WDR75: variants seen among roughly 807,000 people sequenced by gnomAD.
WDR75 encodes WD repeat domain 75.
Under a neutral mutation model 106.1 loss-of-function variants are expected in WDR75, and 52 were observed. The observed-to-expected ratio is 0.49, with a 90% CI of 0.39 to 0.62. The LOEUF is 0.62. Ranked by LOEUF, WDR75 falls within the 20% of genes least tolerant of loss-of-function variation. WDR75 has a pLI of 0.00. For synonymous variants in WDR75, 333 were observed against 335.5 expected, an observed-to-expected ratio of 0.99 and a Z score of 0.08; for missense variants, 905 against 970.3, an observed-to-expected ratio of 0.93 and a Z score of 0.89.
intron 8 of WDR75, among the ~76,000 whole-genome samples, chr2:189,460,520 T>G (rs1176161407): frequency 6.6e-6 from 1 of 152,048 alleles, no homozygotes; most frequent in Non-Finnish European, 1.5e-5. Context: ...GTTTTTTTTT[T>G]TTTAGACAAG....
In WDR75 at chr2:189,465,333, A is replaced by G. The variant is rs1574200917; in HGVS notation, c.1289+79A>G. On this transcript the variant is annotated intron_variant, in intron 12 of 20. Transcript: ENST00000314761. Reference sequence around the variant, plus strand: ...CATTTTACAGTTTCAATTGTCTTTAAGATGTTTCATCTTGACAAGGTTTAG... The same window carrying G: ...CATTTTACAGTTTCAATTGTCTTTAGGATGTTTCATCTTGACAAGGTTTAG... The G allele has an allele frequency of 5.7e-6, 8 of 1,408,368 alleles. No homozygotes were observed. In the South Asian group the frequency reaches 1.1e-4, roughly 19 times the overall value. 87.2% of individuals were successfully genotyped at this position (1,408,368 alleles called of 1,614,324 possible).
At chr2:189,473,836 T>C (rs1011013086) in intron 18 of WDR75, among the ~76,000 whole-genome samples, 2 of 152,202 alleles carry the variant, frequency 1.3e-5, no homozygotes, top group African/African-American at 4.8e-5. Context: ...TTCAGCCTGC[T>C]CTCCAGTTTC....
At chr2:189,467,412 G>A in intron 13 of WDR75, 56 bp from the exon 14 acceptor site, 1 of 1,515,192 alleles carries the variant, frequency 6.6e-7, no homozygotes, top group Non-Finnish European at 8.9e-7. Context: ...GGGAACTACT[G>A]TAGCATTCTC....
At position 189,443,051 on chromosome 2, in the gene WDR75, A is replaced by G. The variant is rs577607419; in HGVS notation, c.86+1473A>G. The stretch of plus-strand genomic sequence containing the variant: ...CATTTTTTAAGTACTTGTCAACTAT[A>G]TATTATGTATAACATGCTGCAGTGA... On this transcript the variant is annotated intron_variant, in intron 1 of 20. Coordinates refer to ENST00000314761, the MANE Select transcript of WDR75 (RefSeq NM_032168.3). Among the ~76,000 whole-genome samples, 3 of 152,326 alleles carry G rather than the reference A, an allele frequency of 2.0e-5. No individual in the cohort carries two copies. The South Asian group carries it at 6.2e-4, about 32-fold the overall frequency.
At chr2:189,461,848 T>C (rs1258406293) in intron 8 of WDR75, among the ~76,000 whole-genome samples, 2 of 152,192 alleles carry the variant, frequency 1.3e-5, no homozygotes, top group African/African-American at 4.8e-5. Context: ...GTGTGGTGTT[T>C]GCTATAGATG....
chr2:189,464,855 A>G (rs774939904), intron 11 of WDR75, among the ~76,000 whole-genome samples: 3 of 152,142 alleles, frequency 2.0e-5, no homozygotes, highest in Non-Finnish European at 4.4e-5. Context: ...TCATTGAAGA[A>G]TAATTACCAC....
At chr2:189,459,959 A>G (rs17271057) in intron 8 of WDR75, among the ~76,000 whole-genome samples, 21,625 of 152,182 alleles carry the variant, frequency 0.14, 1,967 homozygotes, top group South Asian at 0.2. Context: ...GACATTAGCT[A>G]TTTTAAATTA....
chr2:189,451,777 A>G, intron 3 of WDR75, 28 bp from the exon 4 acceptor site: 1 of 1,591,360 alleles, frequency 6.3e-7, no homozygotes, highest in Non-Finnish European at 8.6e-7. Context: ...AACAGACAGT[A>G]AACACTATGG....
rs1025652476 is a variant in WDR75 at position 189,449,634 on chromosome 2, G to T, written c.216+1126G>T. On this transcript the variant is annotated intron_variant, in intron 2 of 20. Coordinates refer to ENST00000314761, the MANE Select transcript of WDR75 (RefSeq NM_032168.3). Reference sequence around the variant, plus strand: ...CAGTTTTATCAGATTTGGTTGAGGTGCAGGGGCAGCAGTTCTGGACTTAGG... The same window carrying T: ...CAGTTTTATCAGATTTGGTTGAGGTTCAGGGGCAGCAGTTCTGGACTTAGG... The T allele has an allele frequency of 3.5e-5, 36 of 1,030,872 alleles. No individual in the cohort carries two copies. In the African/African-American group the frequency reaches 5.8e-4, roughly 17 times the overall value. The allele number at this position is 1,030,872 out of a possible 1,614,324, so 63.9% of individuals were successfully genotyped here. A position where few individuals can be genotyped will look rare whatever the true frequency, so the allele number is the denominator to read the frequency against.
chr2:189,470,797 A>T lies in WDR75; in HGVS notation c.1990-22A>T, dbSNP rs760742625. 5 of 1,568,186 alleles carry T rather than the reference A, an allele frequency of 3.2e-6. 1 individual carries two copies. The South Asian group carries it at 6.0e-5, about 19-fold the overall frequency. ...TTGCACTCTACAGTTTGTCTTTTGC[A>T]TCATTAATTCTCTCTTTTCAGAGTT... On this transcript the variant is annotated intron_variant, in intron 17 of 20. Transcript: ENST00000314761.
chr2:189,457,288 TTATCTTCTTTTTGAAATACTAGGGAG>T lies in WDR75; in HGVS notation c.499-19_505del, dbSNP rs1358514035. 1.3e-6 allele frequency: 2 copies of T among 1,519,462 alleles called. No homozygotes were observed. Among genetic ancestry groups the T allele is most frequent in the Non-Finnish European group, 1.8e-6 (2 of 1,109,132 alleles). 94.1% of individuals were successfully genotyped at this position (1,519,462 alleles called of 1,614,324 possible). On this transcript the variant is annotated splice_acceptor_variant and splice_polypyrimidine_tract_variant and coding_sequence_variant and intron_variant, in exon 6 of 21. Transcript: ENST00000314761. LOFTEE classifies it high-confidence loss of function. Reference sequence around the variant, plus strand: ...GAGTGTTGACTATTTTTGTGAATGTTTATCTTCTTTTTGAAATACTAGGGAGTATATGTTGCTGCAGTACGGGAATT... The same window carrying T: ...GAGTGTTGACTATTTTTGTGAATGTTTATATGTTGCTGCAGTACGGGAATT...
chr2:189,471,162 A>G (rs894234246), intron 18 of WDR75, among the ~76,000 whole-genome samples: 1 of 152,114 alleles, frequency 6.6e-6, no homozygotes, highest in African/African-American at 2.4e-5. Flanking sequence ...CACAAAGACA[A>G]TCACTCTCAA....
chr2:189,443,781 T>C (rs1686436974), intron 1 of WDR75, among the ~76,000 whole-genome samples: 1 of 152,208 alleles, frequency 6.6e-6, no homozygotes, highest in Non-Finnish European at 1.5e-5. Context: ...TTGAGCCTTC[T>C]ATGTAAAGTC....
chr2:189,458,478 C>T (rs1181245817), intron 6 of WDR75, among the ~76,000 whole-genome samples: 2 of 152,068 alleles, frequency 1.3e-5, no homozygotes, highest in African/African-American at 4.8e-5. Flanking sequence ...TCACTAAAAT[C>T]TTTACTTAAA....
chr2:189,468,344 A>T, intron 14 of WDR75, 131 bp from the exon 15 acceptor site: 1 of 744,358 alleles, frequency 1.3e-6, no homozygotes. Flanking sequence ...CTTCAGGATA[A>T]TTATAAACAA....
At chr2:189,466,101 A>T (rs1281852066) in intron 12 of WDR75, among the ~76,000 whole-genome samples, 1 of 152,104 alleles carries the variant, frequency 6.6e-6, no homozygotes, top group Non-Finnish European at 1.5e-5. Context: ...GGTTCTATAC[A>T]AGTTTCCTAC....
rs375342495 is a variant in WDR75, at chr2:189,457,286, G to A, written c.499-25G>A. On this transcript the variant is annotated intron_variant, in intron 5 of 20. Coordinates refer to ENST00000314761, the MANE Select transcript of WDR75 (RefSeq NM_032168.3). The stretch of plus-strand genomic sequence containing the variant: ...AAGAGTGTTGACTATTTTTGTGAAT[G>A]TTTATCTTCTTTTTGAAATACTAGG... The A allele has an allele frequency of 1.5e-5, 22 of 1,483,062 alleles. No individual in the cohort carries two copies. The African/African-American group carries it at 2.8e-4, about 19-fold the overall frequency. The allele number at this position is 1,483,062 out of a possible 1,614,324, so 91.9% of individuals were successfully genotyped here. A position where few individuals can be genotyped will look rare whatever the true frequency, so the allele number is the denominator to read the frequency against.
chr2:189,450,688 T>A, intron 2 of WDR75: 1 of 1,357,620 alleles, frequency 7.4e-7, no homozygotes, highest in Non-Finnish European at 9.4e-7. Flanking sequence ...TTCCTCTCTC[T>A]TTTAGTTAAA....
chr2:189,446,622 C>A (rs1686504803), intron 1 of WDR75, among the ~76,000 whole-genome samples: 1 of 152,036 alleles, frequency 6.6e-6, no homozygotes, highest in African/African-American at 2.4e-5. Context: ...AGTAGTGGTC[C>A]CAGTTTGCAA....
Sources: gnomAD v4.1 joint callset for allele counts (sites outside exome capture counted in the v4.1 genomes callset) on GRCh38, gnomAD v4.1.1 for gene constraint, MANE v1.5 for transcripts, NCBI Gene and HGNC (gene_info 2026-07-23, HGNC 2026-07-21) for gene names.